SARS1: variants seen among roughly 807,000 people sequenced by gnomAD.
The protein encoded by SARS1 is seryl-tRNA synthetase 1.
In SARS1, 25 loss-of-function variants were observed where a neutral mutation model predicts 63.7. The observed-to-expected ratio is 0.39, with a 90% CI of 0.29 to 0.55. SARS1 has a LOEUF of 0.55. Ranked by LOEUF, SARS1 falls within the 20% of genes least tolerant of loss-of-function variation. The probability of loss-of-function intolerance (pLI) is 0.62; values close to 1 mark genes in which losing one functional copy is unlikely to be tolerated. For missense variants in SARS1, 417 were observed against 649.7 expected, an observed-to-expected ratio of 0.64 and a Z score of 3.89; for synonymous variants, 231 against 243.5, an observed-to-expected ratio of 0.95 and a Z score of 0.48.
At chr1:109,216,276 CT>C in intron 1 of SARS1, 1 of 985,334 alleles carries the variant, frequency 1.0e-6, no homozygotes, top group Non-Finnish European at 1.2e-6. Context: ...ACATAGCAAG[CT>C]TCACCAAGCC....
At chr1:109,229,126 G>A (rs1013277435) in intron 3 of SARS1, among the ~76,000 whole-genome samples, 3 of 152,138 alleles carry the variant, frequency 2.0e-5, no homozygotes, top group African/African-American at 4.8e-5. Flanking sequence ...ATAAGAGAGC[G>A]GCAGTACTTA....
chr1:109,220,185 T>G (rs1406577069), intron 1 of SARS1, among the ~76,000 whole-genome samples: 1 of 152,254 alleles, frequency 6.6e-6, no homozygotes, highest in Non-Finnish European at 1.5e-5. Flanking sequence ...TACATTCTTA[T>G]GTGTGTCTTT....
At chr1:109,220,435 A>G (rs1217156863) in intron 1 of SARS1, among the ~76,000 whole-genome samples, 1 of 152,172 alleles carries the variant, frequency 6.6e-6, no homozygotes, top group Non-Finnish European at 1.5e-5. Context: ...GTGGTGTCTC[A>G]TTGTTATTTT....
At chr1:109,221,960 T>TTGTGTGTGTGTGTG (rs1553177401) in intron 1 of SARS1, among the ~76,000 whole-genome samples, 8 of 10,060 alleles carry the variant, frequency 8.0e-4, no homozygotes, top group African/African-American at 1.0e-3. Flanking sequence ...GCTAATTTTT[T>TTGTGTGTGTGTGTG]TGTGTGTGTG....
chr1:109,232,645 CAA>C (rs1655232541), intron 6 of SARS1, among the ~76,000 whole-genome samples: 1 of 152,212 alleles, frequency 6.6e-6, no homozygotes, highest in Non-Finnish European at 1.5e-5. Flanking sequence ...CACTGGGAAA[CAA>C]AGTGCTCTCC....
At chr1:109,224,142 T>A (rs1655016121) in intron 2 of SARS1, 94 bp downstream of exon 2, 26 of 928,544 alleles carry the variant, frequency 2.8e-5, no homozygotes, top group Non-Finnish European at 1.8e-6. Context: ...TAACTCAGTG[T>A]TTAAGTCTAC....
chr1:109,228,943 A>G (rs1655146830), intron 3 of SARS1, among the ~76,000 whole-genome samples: 1 of 152,240 alleles, frequency 6.6e-6, no homozygotes, highest in Non-Finnish European at 1.5e-5. Flanking sequence ...CAAAGAAATA[A>G]GAGCACAGTT....
At position 109,237,091 on chromosome 1, in the gene SARS1, A is replaced by G. The variant is rs369962938; in HGVS notation, c.1258-153A>G. On this transcript the variant is annotated intron_variant, in intron 9 of 10. Transcript: ENST00000234677. This position sits in a 1 kb window ranked among gnomAD's most constrained non-coding sequence, Gnocchi z 4.1. ...ATAGGCAATAAATACCAAATAATTC[A>G]AATTTAGAAAAAAGTTGCTAAGGGG... 12 of 1,298,708 alleles carry G rather than the reference A, an allele frequency of 9.2e-6. No homozygotes were observed. In the African/African-American group the frequency reaches 1.2e-4, roughly 13 times the overall value. The allele number at this position is 1,298,708 out of a possible 1,614,324, so 80.4% of individuals were successfully genotyped here.
intron 6 of SARS1, among the ~76,000 whole-genome samples, chr1:109,233,165 ATT>A (rs11306493): frequency 4.8e-4 from 72 of 150,818 alleles, no homozygotes; most frequent in Admixed American, 1.8e-3. Context: ...ATTTAATTTA[ATT>A]TTTTTTTTTT....
At chr1:109,234,133 C>T (rs1655263247) in intron 6 of SARS1, among the ~76,000 whole-genome samples, 1 of 151,642 alleles carries the variant, frequency 6.6e-6, no homozygotes, top group Non-Finnish European at 1.5e-5. Context: ...CCCGCCTTGG[C>T]CTCCCAAAGT....
In SARS1 at chr1:109,237,504, G is replaced by T; in HGVS notation, c.1387+131G>T. The T allele has an allele frequency of 7.2e-7, 1 of 1,383,366 alleles. No homozygotes were observed. The highest frequency in any genetic ancestry group is 2.4e-5 in the East Asian group (1 of 41,058). 85.7% of individuals were successfully genotyped at this position (1,383,366 alleles called of 1,614,324 possible). On this transcript the variant is annotated intron_variant, in intron 10 of 10. Coordinates refer to ENST00000234677, the MANE Select transcript of SARS1 (RefSeq NM_006513.4). This position sits in a 1 kb window ranked among gnomAD's most constrained non-coding sequence, Gnocchi z 4.1. ...CCCCTGAAACTCTGTCTGCCCTCTC[G>T]GGCTGGGCAGGGCAGGGGGCCTGGT...
At chr1:109,233,253 C>T (rs1372710273) in intron 6 of SARS1, among the ~76,000 whole-genome samples, 1 of 152,012 alleles carries the variant, frequency 6.6e-6, no homozygotes, top group African/African-American at 2.4e-5. Context: ...TCAAACAATC[C>T]ATCCGCCTCA....
chr1:109,222,529 G>C (rs1654972637), intron 1 of SARS1, among the ~76,000 whole-genome samples: 2 of 152,066 alleles, frequency 1.3e-5, no homozygotes, highest in Non-Finnish European at 2.9e-5. Flanking sequence ...CTCACCCCTA[G>C]CAACCACTAA....
intron 2 of SARS1, among the ~76,000 whole-genome samples, chr1:109,226,663 T>TAAAAAAAAAAAA (rs66652692): frequency 1.8e-5 from 1 of 55,552 alleles, no homozygotes; most frequent in African/African-American, 7.4e-5. Flanking sequence ...CTGGCTAATT[T>TAAAAAAAAAAAA]AAAAAAAAAA....
chr1:109,219,814 G>C (rs956878609), intron 1 of SARS1, among the ~76,000 whole-genome samples: 1 of 152,060 alleles, frequency 6.6e-6, no homozygotes, highest in Non-Finnish European at 1.5e-5. Flanking sequence ...CGCCCGGCAT[G>C]GCTTCTTTCT....
chr1:109,221,998 ATATATATATATATTTTTTTTTTTTTTTT>A (rs1654949131), intron 1 of SARS1, among the ~76,000 whole-genome samples: 2 of 11,792 alleles, frequency 1.7e-4, no homozygotes, highest in African/African-American at 6.4e-4. Flanking sequence ...ATATATATAT[ATATATATATATATTTTTTTTTTTTTTTT>A]TTTTTTTTTT....
At chr1:109,226,744 T>A (rs12130045) in intron 2 of SARS1, among the ~76,000 whole-genome samples, 5 of 67,668 alleles carry the variant, frequency 7.4e-5, no homozygotes, top group Non-Finnish European at 1.0e-4. Flanking sequence ...ATATATTTAT[T>A]TATTTATTTA....
chr1:109,229,476 T>G lies in SARS1; in HGVS notation c.351T>G (p.Cys117Trp). 6.2e-7 allele frequency: 1 copy of G among 1,614,174 alleles called. No individual in the cohort carries two copies. The highest frequency in any genetic ancestry group is 8.5e-7 in the Non-Finnish European group (1 of 1,180,020). The change falls in exon 4 of 11, where the codon TGT (cysteine) becomes TGG (tryptophan). Residue 117 changes from cysteine (C) to tryptophan (W), a missense_variant. By Grantham distance (215) the Cys-to-Trp change is radical. Transcript: ENST00000234677. ...RLLIDEAILKCDAERIKLEAE... is the reference protein window; with the variant it reads ...RLLIDEAILKWDAERIKLEAE... ...TCATTGATGAAGCCATCCTGAAGTG[T>G]GACGCGGAGCGGATAAAGTTGGAAG...
At chr1:109,225,071 C>T (rs540653442) in intron 2 of SARS1, among the ~76,000 whole-genome samples, 2 of 152,300 alleles carry the variant, frequency 1.3e-5, no homozygotes, top group South Asian at 4.1e-4. Flanking sequence ...CGCTACTGAG[C>T]TCCATCCAGC....
Sources: allele counts gnomAD v4.1 joint callset (sites outside exome capture counted in the v4.1 genomes callset), GRCh38; gene constraint gnomAD v4.1.1; non-coding constraint Gnocchi (gnomAD v3.1); transcripts MANE v1.5; gene names NCBI Gene and HGNC (gene_info 2026-07-23, HGNC 2026-07-21).